FMNL1: variants seen among roughly 807,000 people sequenced by gnomAD.
FMNL1 encodes the protein formin like 1.
Under a neutral mutation model 121.3 loss-of-function variants are expected in FMNL1, and 43 were observed. The observed-to-expected ratio is 0.35, with a 90% CI of 0.28 to 0.46. The LOEUF (loss-of-function observed/expected upper bound fraction) is 0.46. Ranked by LOEUF, FMNL1 falls within the 20% of genes least tolerant of loss-of-function variation. The pLI is 1.00. For missense variants in FMNL1, 1,191 were observed against 1,482.4 expected, an observed-to-expected ratio of 0.80 and a Z score of 3.23; for synonymous variants, 613 against 613.5, an observed-to-expected ratio of 1.00 and a Z score of 0.01.
chr17:45,246,413 G>C, intron 25 of FMNL1, 83 bp downstream of exon 25: 4 of 1,612,742 alleles, frequency 2.5e-6, no homozygotes, highest in Non-Finnish European at 3.4e-6. Flanking sequence ...TCCTCTGGGG[G>C]ACTGGCTGCC....
chr17:45,241,796 A>C lies in FMNL1; in HGVS notation c.1586-51A>C, dbSNP rs2043703766. 1 of 1,401,648 alleles carries C rather than the reference A, an allele frequency of 7.1e-7. No individual in the cohort carries two copies. The highest frequency in any genetic ancestry group is 9.2e-7 in the Non-Finnish European group (1 of 1,083,734). The allele number at this position is 1,401,648 out of a possible 1,614,324, so 86.8% of individuals were successfully genotyped here. ...GGAGAGGCGGAGAGGGGCCCACCCA[A>C]GTCAAGGAGCTGACTCGCGCCTCCC... On this transcript the variant is annotated intron_variant, in intron 14 of 26. Coordinates refer to ENST00000331495, the MANE Select transcript of FMNL1 (RefSeq NM_005892.4). This position sits in a 1 kb window ranked among gnomAD's most constrained non-coding sequence, Gnocchi z 7.0.
chr17:45,246,880 G>A lies in FMNL1; in HGVS notation c.*22G>A, dbSNP rs1208888673. ...TTCGGCTGCCAGATCTGCGGAACCA[G>A]CCCTACATCCGCGCAGACACAGGCC... is the stretch of plus-strand genomic sequence containing the variant. On this transcript the variant is annotated 3_prime_UTR_variant, in exon 27 of 27. Transcript: ENST00000331495. 1 of 749,290 alleles carries A rather than the reference G, an allele frequency of 1.3e-6. No homozygotes were observed. Among genetic ancestry groups the A allele is most frequent in the Non-Finnish European group, 2.4e-6 (1 of 411,504 alleles). 46.4% of individuals were successfully genotyped at this position (749,290 alleles called of 1,614,324 possible).
In FMNL1 at chr17:45,245,868, T is replaced by G; in HGVS notation, c.2995-10T>G. The G allele has an allele frequency of 6.3e-7, 1 of 1,596,444 alleles. No homozygotes were observed. The highest frequency in any genetic ancestry group is 8.5e-7 in the Non-Finnish European group (1 of 1,172,424). ...AGGGCCACCCTCATGGAGACTGCCT[T>G]GGCCCACAGAAAGCTGAGCAGGAGG... is the stretch of plus-strand genomic sequence containing the variant. On this transcript the variant is annotated splice_polypyrimidine_tract_variant and intron_variant, in intron 23 of 26. Coordinates refer to ENST00000331495, the MANE Select transcript of FMNL1 (RefSeq NM_005892.4).
rs138140582 is a variant in FMNL1 at position 45,243,966 on chromosome 17, C to T, written c.2389C>T (p.Arg797Cys). The T allele has an allele frequency of 1.4e-5, 23 of 1,612,944 alleles. No individual in the cohort carries two copies. The highest frequency in any genetic ancestry group is 1.7e-5 in the Non-Finnish European group (20 of 1,179,984). Residue 797 changes from arginine (R) to cysteine (C), a missense_variant, in exon 18 of 27, where the codon CGC becomes TGC. Coordinates refer to ENST00000331495, the MANE Select transcript of FMNL1 (RefSeq NM_005892.4). Reference sequence around the variant, plus strand: ...CAGCCGCATCCCGCGCCTGCCGGAGCGCATGACCACACTCACCTTCCTGGG... The same window carrying T: ...CAGCCGCATCCCGCGCCTGCCGGAGTGCATGACCACACTCACCTTCCTGGG... ...CFSRIPRLPE[R>C]MTTLTFLGNF...
chr17:45,238,882 G>C (rs1026845258), intron 10 of FMNL1, 73 bp from the exon 11 acceptor site: 1 of 1,309,710 alleles, frequency 7.6e-7, no homozygotes, highest in Non-Finnish European at 1.1e-6. Context: ...GAGGCTTGGG[G>C]TAAGTGGAGG....
intron 15 of FMNL1, 81 bp downstream of exon 15, chr17:45,242,227 C>T (rs958777662): frequency 4.9e-5 from 76 of 1,565,646 alleles, no homozygotes; most frequent in Non-Finnish European, 6.0e-5. Context: ...CTCCAGGGTC[C>T]TCTGCCTGGG....
chr17:45,239,921 T>C (rs1168027838), intron 11 of FMNL1, among the ~76,000 whole-genome samples: 1 of 151,844 alleles, frequency 6.6e-6, no homozygotes, highest in Non-Finnish European at 1.5e-5. Flanking sequence ...TCCCCAGTAG[T>C]TGGGATTATA....
At chr17:45,240,863 AC>A in intron 12 of FMNL1, 1 of 724,432 alleles carries the variant, frequency 1.4e-6, no homozygotes, top group Non-Finnish European at 2.2e-6. Context: ...CCAGGCTCAG[AC>A]CCCAGGTGAA....
Position 45,230,346 on chromosome 17 carries a change from G to A in FMNL1, c.130-258G>A, listed in dbSNP as rs111756339. 2.5e-3 allele frequency among the ~76,000 whole-genome samples: 382 copies of A among 152,332 alleles called. 1 individual carries two copies. The highest frequency in any genetic ancestry group is 8.5e-3 in the African/African-American group (352 of 41,572). On this transcript the variant is annotated intron_variant, in intron 1 of 26. Transcript: ENST00000331495. Reference sequence around the variant, plus strand: ...ACACCAGGCAGGCCAGGGAGGCGGTGTGGGGGGTGACACAGCGCAGGCAGA... The same window carrying A: ...ACACCAGGCAGGCCAGGGAGGCGGTATGGGGGGTGACACAGCGCAGGCAGA...
At chr17:45,239,662 G>C (rs2043636392) in intron 11 of FMNL1, among the ~76,000 whole-genome samples, 1 of 152,170 alleles carries the variant, frequency 6.6e-6, no homozygotes, top group African/African-American at 2.4e-5. Context: ...GAGCAGGCTG[G>C]CGGGGGGGTC....
chr17:45,239,232 G>A (rs1420207829), intron 11 of FMNL1, 167 bp downstream of exon 11: 2 of 619,046 alleles, frequency 3.2e-6, no homozygotes, highest in South Asian at 3.9e-5. Context: ...CTCAGTGTCA[G>A]TTTTGCCATC....
chr17:45,245,850 C>T, intron 23 of FMNL1, 28 bp from the exon 24 acceptor site: 1 of 1,599,122 alleles, frequency 6.3e-7, no homozygotes, highest in Non-Finnish European at 8.5e-7. Context: ...GGGAGGGCCA[C>T]CCTCATGGAG....
chr17:45,245,949 CA>C lies in FMNL1; in HGVS notation c.3069del (p.Glu1025SerfsTer22). 1 of 1,578,800 alleles carries C rather than the reference CA, an allele frequency of 6.3e-7. No homozygotes were observed. The highest frequency in any genetic ancestry group is 1.2e-5 in the South Asian group (1 of 86,938). ...AGGAGGCAGGCGCTGATACCCCGGG[CA>C]AAGGGGAGCCCCCAGCACCCAAGGT... ...AQEAGADTPG[K>X]GEPPAPKSPP... is the part of the protein sequence containing the mutation. On this transcript the variant is annotated frameshift_variant, in exon 24 of 27. Coordinates refer to ENST00000331495, the MANE Select transcript of FMNL1 (RefSeq NM_005892.4). LOFTEE classifies it high-confidence loss of function.
chr17:45,231,217 C>T lies in FMNL1; in HGVS notation c.213+530C>T, dbSNP rs1391553654. Among the ~76,000 whole-genome samples the T allele has an allele frequency of 6.6e-6, 1 of 152,216 alleles. No individual in the cohort carries two copies. The highest frequency in any genetic ancestry group is 2.4e-5 in the African/African-American group (1 of 41,450). ...TGGACTCACGGGTCACTCAGCTGTC[C>T]CCACCCCTCCAGCTTCAAGGGCTGC... On this transcript the variant is annotated intron_variant, in intron 2 of 26. Coordinates refer to ENST00000331495, the MANE Select transcript of FMNL1 (RefSeq NM_005892.4). This position sits in a 1 kb window ranked among gnomAD's most constrained non-coding sequence, Gnocchi z 4.7.
At position 45,241,882 on chromosome 17, in the gene FMNL1, G is replaced by A; in HGVS notation, c.1621G>A (p.Ala541Thr). ...APAAEPAPGA[A>T]PPPPPPLPGL... ...TGCAGCAGAGCCGGCTCCCGGAGCAGCGCCACCGCCGCCGCCCCCACTGCC... is the reference window on the plus strand; with the variant it reads ...TGCAGCAGAGCCGGCTCCCGGAGCAACGCCACCGCCGCCGCCCCCACTGCC... The change falls in exon 15 of 27, where the codon GCG (alanine) becomes ACG (threonine). Residue 541 changes from alanine to threonine, a missense_variant. This residue lies in a region of FMNL1 where 519 missense variants were observed against 492.8 expected (regional missense o/e 1.05). Coordinates refer to ENST00000331495, the MANE Select transcript of FMNL1 (RefSeq NM_005892.4). The surrounding 1 kb of genome is among the most constrained non-coding windows in gnomAD (Gnocchi z 7.0). The A allele has an allele frequency of 7.0e-7, 1 of 1,433,610 alleles. No individual in the cohort carries two copies. Among genetic ancestry groups the A allele is most frequent in the Non-Finnish European group, 9.1e-7 (1 of 1,102,374 alleles). 88.8% of individuals were successfully genotyped at this position (1,433,610 alleles called of 1,614,324 possible).
intron 6 of FMNL1, 172 bp downstream of exon 6, chr17:45,234,372 A>G: frequency 8.6e-7 from 1 of 1,159,394 alleles, no homozygotes; most frequent in Non-Finnish European, 1.2e-6. Flanking sequence ...TTAAGAAGCC[A>G]TCAGGGGTGG....
chr17:45,238,284 A>G (rs1436459880), intron 9 of FMNL1: 2 of 365,342 alleles, frequency 5.5e-6, no homozygotes, highest in African/African-American at 4.2e-5. Context: ...CTGTGAAGGA[A>G]GCAAGGGACT....
intron 22 of FMNL1, 23 bp from the exon 23 acceptor site, chr17:45,245,609 G>C: frequency 1.9e-6 from 3 of 1,613,348 alleles, no homozygotes; most frequent in Non-Finnish European, 2.5e-6. Flanking sequence ...CTAAGCTGGG[G>C]GGCTGACAGG....
chr17:45,222,325 TCC>T, intron 1 of FMNL1, 72 bp downstream of exon 1: 1 of 1,088,044 alleles, frequency 9.2e-7, no homozygotes, highest in Non-Finnish European at 1.1e-6. Flanking sequence ...TGGGCGCGCG[TCC>T]CCGCCCCCGG....
Sources: allele counts gnomAD v4.1 joint callset (sites outside exome capture counted in the v4.1 genomes callset), GRCh38; gene constraint gnomAD v4.1.1; regional missense constraint gnomAD v4.1.1; non-coding constraint Gnocchi (gnomAD v3.1); transcripts MANE v1.5; gene names NCBI Gene and HGNC (gene_info 2026-07-23, HGNC 2026-07-21).